C10orf90: variants seen among roughly 807,000 people sequenced by gnomAD.
The protein encoded by C10orf90 is (E2-independent) E3 ubiquitin-conjugating enzyme FATS.
C10orf90 carries 56 observed loss-of-function variants against 62.5 expected under a neutral mutation model. The observed-to-expected ratio is 0.90, with a 90% CI of 0.72 to 1.12. The LOEUF is 1.12. Among genes scored for constraint, C10orf90 ranks in the 50% most tolerant of loss-of-function variants. C10orf90 has a pLI of 0.00. For missense variants in C10orf90, 970 were observed against 880.4 expected (o/e 1.10, Z -1.29); for synonymous variants, 386 against 340.4 (o/e 1.13, Z -1.47).
intron 2 of C10orf90, among the ~76,000 whole-genome samples, chr10:126,625,948 C>G (rs1845733391): frequency 6.6e-6 from 1 of 151,922 alleles, no homozygotes; most frequent in Non-Finnish European, 1.5e-5. Flanking sequence ...AACCCGATCT[C>G]TACCAAAAAT....
intron 2 of C10orf90, among the ~76,000 whole-genome samples, chr10:126,610,546 G>T (rs939264909): frequency 9.2e-5 from 14 of 152,198 alleles, no homozygotes; most frequent in Admixed American, 9.2e-4. Flanking sequence ...ATAACACTCT[G>T]GGAAGGCAGA....
Position 126,453,886 on chromosome 10 carries a change from G to A in C10orf90, c.2188+5154C>T, listed in dbSNP as rs1859362440. On this transcript the variant is annotated intron_variant, in intron 7 of 9. Transcript: ENST00000488181. This position sits in a 1 kb window ranked among gnomAD's most constrained non-coding sequence, Gnocchi z 4.9. ...TGGTTTGGGAACCCTGATCATGAGT[G>A]TTTTTGGAGTGAAGGAAGGACAGGA... Among the ~76,000 whole-genome samples, 1 of 152,156 alleles carries A rather than the reference G, an allele frequency of 6.6e-6. No individual in the cohort carries two copies. The highest frequency in any genetic ancestry group is 2.4e-5 in the African/African-American group (1 of 41,434).
At chr10:126,581,656 T>C (rs750827208) in intron 2 of C10orf90, among the ~76,000 whole-genome samples, 2 of 152,206 alleles carry the variant, frequency 1.3e-5, no homozygotes, top group Non-Finnish European at 2.9e-5. Flanking sequence ...CATTGGCCAG[T>C]GTTAAACGTA....
At chr10:126,492,015 A>G (rs576262775) in intron 4 of C10orf90, among the ~76,000 whole-genome samples, 21 of 152,362 alleles carry the variant, frequency 1.4e-4, no homozygotes, top group Non-Finnish European at 2.1e-4. Context: ...AAAAATTACC[A>G]GAAACAGATA....
chr10:126,670,268 C>T lies in C10orf90; in HGVS notation c.213G>A (p.Thr71=), dbSNP rs1260537129. 2.6e-5 allele frequency: 12 copies of T among 456,560 alleles called. No homozygotes were observed. Among genetic ancestry groups the T allele is most frequent in the Admixed American group, 1.4e-4 (6 of 42,566 alleles). 28.3% of individuals were successfully genotyped at this position (456,560 alleles called of 1,614,324 possible). The change falls in exon 1 of 10, where the codon ACG becomes ACA. Residue 71 remains threonine, a synonymous_variant. Transcript: ENST00000488181. ...CATATCTGCTGGCTGTCTGCTCAGC[C>T]GTCTTCAAGCCTTGACACATATGGA... is the stretch of plus-strand genomic sequence containing the variant. ...CIIHMCQGLK[T]AEQTASRYEI... is the part of the protein sequence containing the mutation.
chr10:126,652,134 G>A (rs573219263), intron 1 of C10orf90, among the ~76,000 whole-genome samples: 1 of 152,320 alleles, frequency 6.6e-6, no homozygotes, highest in South Asian at 2.1e-4. Flanking sequence ...TGGATCAACA[G>A]TGTATTTTCT....
Position 126,555,718 on chromosome 10 carries a change from A to AAATAAATAAATG in C10orf90, c.314-41780_314-41779insCATTTATTTATT, listed in dbSNP as rs1229091581. 4.0e-5 allele frequency among the ~76,000 whole-genome samples: 6 copies of AAATAAATAAATG among 150,638 alleles called. No homozygotes were observed. The East Asian group carries it at 9.7e-4, about 24-fold the overall frequency. On this transcript the variant is annotated intron_variant, in intron 2 of 9. Coordinates refer to ENST00000488181, the MANE Select transcript of C10orf90 (RefSeq NM_001350921.2). ...TAAATAAATAAATAAATAAATAAAT[A>AAATAAATAAATG]AAAATTAAATAAATAAAAAAGCTAA... is the stretch of plus-strand genomic sequence containing the variant.
chr10:126,629,069 C>A (rs1591157866), intron 2 of C10orf90, among the ~76,000 whole-genome samples: 1 of 152,210 alleles, frequency 6.6e-6, no homozygotes, highest in Non-Finnish European at 1.5e-5. Context: ...ATTCCAAACA[C>A]AAGCCAGTGT....
At chr10:126,496,874 C>T (rs1862090620) in intron 4 of C10orf90, among the ~76,000 whole-genome samples, 1 of 152,204 alleles carries the variant, frequency 6.6e-6, no homozygotes, top group Non-Finnish European at 1.5e-5. Context: ...TCCCTGGCTC[C>T]CTACTGGGTA....
intron 2 of C10orf90, among the ~76,000 whole-genome samples, chr10:126,566,551 C>T (rs763523118): frequency 4.6e-5 from 7 of 152,018 alleles, no homozygotes; most frequent in East Asian, 1.9e-4. Context: ...ACCTGAAAGG[C>T]GAGAAGGAAG....
At chr10:126,523,946 A>C (rs1863855719) in intron 2 of C10orf90, among the ~76,000 whole-genome samples, 1 of 152,190 alleles carries the variant, frequency 6.6e-6, no homozygotes, top group Non-Finnish European at 1.5e-5. Flanking sequence ...GAATGTATAT[A>C]CTACAATATC....
intron 4 of C10orf90, among the ~76,000 whole-genome samples, chr10:126,490,497 G>A (rs868419900): frequency 1.3e-4 from 20 of 152,030 alleles, no homozygotes; most frequent in African/African-American, 3.4e-4. Flanking sequence ...GGTATATAGC[G>A]TTTAATGGGT....
At chr10:126,662,658 T>C (rs1401925326) in intron 1 of C10orf90, among the ~76,000 whole-genome samples, 1 of 152,076 alleles carries the variant, frequency 6.6e-6, no homozygotes, top group African/African-American at 2.4e-5. Flanking sequence ...ACTCTCTCTG[T>C]CCCCCCACGC....
chr10:126,587,518 A>G (rs1844897037), intron 2 of C10orf90, among the ~76,000 whole-genome samples: 1 of 152,118 alleles, frequency 6.6e-6, no homozygotes, highest in South Asian at 2.1e-4. Context: ...TAAGGATACT[A>G]ATCTCATCCT....
At chr10:126,584,803 T>C (rs138759293) in intron 2 of C10orf90, among the ~76,000 whole-genome samples, 1 of 152,316 alleles carries the variant, frequency 6.6e-6, no homozygotes, top group East Asian at 1.9e-4. Context: ...CTCACAATTC[T>C]GATTCCTTTC....
intron 2 of C10orf90, among the ~76,000 whole-genome samples, chr10:126,588,355 G>A (rs918967989): frequency 1.3e-5 from 2 of 152,222 alleles, no homozygotes; most frequent in Admixed American, 1.3e-4. Flanking sequence ...CTTTAAGCAG[G>A]TCCCTGATCC....
At chr10:126,487,835 A>G (rs1478968872) in intron 4 of C10orf90, among the ~76,000 whole-genome samples, 1 of 152,226 alleles carries the variant, frequency 6.6e-6, no homozygotes, top group African/African-American at 2.4e-5. Context: ...TGTGAGAATC[A>G]AAAAGCAAAA....
chr10:126,649,630 TGC>T (rs750211913), intron 1 of C10orf90, among the ~76,000 whole-genome samples: 4 of 152,248 alleles, frequency 2.6e-5, no homozygotes, highest in Admixed American at 6.5e-5. Context: ...CATAAGCTCC[TGC>T]AGAAGCATTC....
chr10:126,546,531 A>G (rs941174266), intron 2 of C10orf90, among the ~76,000 whole-genome samples: 4 of 152,160 alleles, frequency 2.6e-5, no homozygotes, highest in Admixed American at 6.5e-5. Flanking sequence ...CCTCCAGGGT[A>G]GTTCAGGGGA....
Sources: gnomAD v4.1 joint callset for allele counts (sites outside exome capture counted in the v4.1 genomes callset) on GRCh38, gnomAD v4.1.1 for gene constraint, Gnocchi (gnomAD v3.1) non-coding constraint, MANE v1.5 for transcripts, NCBI Gene and HGNC (gene_info 2026-07-23, HGNC 2026-07-21) for gene names.